Variants in RIPK4 observed in about 807,000 individuals in gnomAD.
RIPK4 encodes receptor interacting serine/threonine kinase 4, also known as receptor-interacting serine/threonine-protein kinase 4.
Under a neutral mutation model 42.9 loss-of-function variants are expected in RIPK4, and 17 were observed. The ratio of observed to expected loss-of-function variants is 0.40; its 90% CI spans 0.27 to 0.59. The LOEUF (loss-of-function observed/expected upper bound fraction) is 0.59, where lower values mean the gene tolerates loss of function less well. Ranked by LOEUF, RIPK4 falls within the 20% of genes least tolerant of loss-of-function variation. The pLI is 0.47. For synonymous variants in RIPK4, 498 were observed against 499.1 expected (o/e 1.00, Z 0.03); for missense variants, 897 against 1,104.4 (o/e 0.81, Z 2.66).
chr21:41,744,290 G>C, intron 6 of RIPK4, 150 bp from the exon 7 acceptor site: 1 of 746,404 alleles, frequency 1.3e-6, no homozygotes, highest in Non-Finnish European at 2.1e-6. Flanking sequence ...ATAACCTATT[G>C]GTCACCGAGC....
chr21:41,748,149 C>T (rs1297488514), intron 4 of RIPK4, among the ~76,000 whole-genome samples: 1 of 152,236 alleles, frequency 6.6e-6, no homozygotes, highest in East Asian at 1.9e-4. Flanking sequence ...CACCGGCCAG[C>T]AGAGGCCTGG....
At chr21:41,761,102 TG>T (rs994841157) in intron 1 of RIPK4, among the ~76,000 whole-genome samples, 2 of 152,152 alleles carry the variant, frequency 1.3e-5, no homozygotes, top group Non-Finnish European at 2.9e-5. Flanking sequence ...CATCAAGGGA[TG>T]GGGGGTGCAG....
chr21:41,762,377 T>A (rs2061223277), intron 1 of RIPK4, among the ~76,000 whole-genome samples: 1 of 152,146 alleles, frequency 6.6e-6, no homozygotes, highest in South Asian at 2.1e-4. Flanking sequence ...CACCAGCATG[T>A]CCTCAGAAAC....
intron 2 of RIPK4, among the ~76,000 whole-genome samples, chr21:41,752,557 C>T (rs3862033): frequency 0.29 from 44,367 of 152,124 alleles, 7,762 homozygotes; most frequent in Admixed American, 0.39. Flanking sequence ...GGCCTTCAGG[C>T]CTGCACCGCC....
At position 41,741,107 on chromosome 21, in the gene RIPK4, C is replaced by T; in HGVS notation, c.2086G>A (p.Val696Met). The change falls in exon 8 of 8, where the codon GTG becomes ATG. Residue 696 changes from valine (V) to methionine (M), a missense_variant. Physicochemically the swap from Val to Met is conservative, Grantham distance 21 (BLOSUM62 1). Transcript: ENST00000332512. ...VKLLVEEKAD[V>M]LARGPLNQTA... ...TGGTTCAGGGGTCCCCGGGCCAGCA[C>T]ATCGGCCTTCTCCTCGACAAGCAGC... 1.9e-6 allele frequency: 3 copies of T among 1,612,624 alleles called. No homozygotes were observed. Among genetic ancestry groups the T allele is most frequent in the South Asian group, 1.1e-5 (1 of 91,048 alleles).
Position 41,740,877 on chromosome 21 carries a change from A to G in RIPK4, c.2316T>C (p.His772=), listed in dbSNP as rs1295174959. 8 of 1,611,036 alleles carry G rather than the reference A, an allele frequency of 5.0e-6. No homozygotes were observed. The Admixed American group carries it at 5.0e-5, about 10-fold the overall frequency. Residue 772 remains histidine (H), a synonymous_variant, in exon 8 of 8, where the codon CAT becomes CAC. Coordinates refer to ENST00000332512, the MANE Select transcript of RIPK4 (RefSeq NM_020639.3). ...NLQSLKFQGG[H]GPAATLLRRS... ...GCCGCAGGAGCGTGGCGGCGGGGCC[A>G]TGGCCGCCCTGGAACTTGAGGCTCT...
chr21:41,746,736 C>T lies in RIPK4; in HGVS notation c.709G>A (p.Val237Met). The change falls in exon 5 of 8, where the codon GTG becomes ATG. Residue 237 changes from valine to methionine, a missense_variant. By Grantham distance (21) the Val-to-Met change is conservative. Coordinates refer to ENST00000332512, the MANE Select transcript of RIPK4 (RefSeq NM_020639.3). ...KNILHIMVKV[V>M]KGHRPELPPV... ...GGCAGCTCGGGGCGGTGGCCCTTCA[C>T]CACCTTCACCATGATGTGCAGGATG... 2 of 1,606,774 alleles carry T rather than the reference C, an allele frequency of 1.2e-6. No homozygotes were observed. The highest frequency in any genetic ancestry group is 1.7e-6 in the Non-Finnish European group (2 of 1,177,692).
rs769995090 is a variant in RIPK4 at position 41,746,707 on chromosome 21, G to A, written c.738C>T (p.Pro246=). The change falls in exon 5 of 8, where the codon CCC becomes CCT. Residue 246 remains proline (P), a synonymous_variant. Transcript: ENST00000332512. ...VVKGHRPELP[P]VCRARPRACS... Reference sequence around the variant, plus strand: ...AGGCGCGCGGCCGGGCTCTGCACACGGGCGGCAGCTCGGGGCGGTGGCCCT... The same window carrying A: ...AGGCGCGCGGCCGGGCTCTGCACACAGGCGGCAGCTCGGGGCGGTGGCCCT... 8.7e-6 allele frequency: 14 copies of A among 1,610,106 alleles called. No individual in the cohort carries two copies. Among genetic ancestry groups the A allele is most frequent in the Middle Eastern group, 1.7e-4 (1 of 6,058 alleles).
At position 41,741,139 on chromosome 21, in the gene RIPK4, G is replaced by T; in HGVS notation, c.2054C>A (p.Thr685Asn). ...CTTCTCCTCGACAAGCAGCTTGACA[G>T]TGGCCAGGTGTCCGTTGCGGGCAGC... ...HLAARNGHLA[T>N]VKLLVEEKAD... Residue 685 changes from threonine (T) to asparagine (N), a missense_variant, in exon 8 of 8, where the codon ACT becomes AAT. Coordinates refer to ENST00000332512, the MANE Select transcript of RIPK4 (RefSeq NM_020639.3). 6.2e-7 allele frequency: 1 copy of T among 1,612,880 alleles called. No individual in the cohort carries two copies.
In RIPK4 at chr21:41,740,894, T is replaced by C; in HGVS notation, c.2299A>G (p.Lys767Glu). The C allele has an allele frequency of 6.2e-7, 1 of 1,612,180 alleles. No individual in the cohort carries two copies. The highest frequency in any genetic ancestry group is 8.5e-7 in the Non-Finnish European group (1 of 1,179,592). ...GCGGGGCCATGGCCGCCCTGGAACT[T>C]GAGGCTCTGCAGGTTGATGTGGGCC... ...HGAHINLQSL[K>E]FQGGHGPAAT... The change falls in exon 8 of 8, where the codon AAG becomes GAG. Residue 767 changes from lysine (K) to glutamate (E), a missense_variant. Transcript: ENST00000332512.
intron 7 of RIPK4, 51 bp downstream of exon 7, chr21:41,743,831 C>A: frequency 6.5e-7 from 1 of 1,528,406 alleles, no homozygotes; most frequent in South Asian, 1.3e-5. Context: ...GTCCAGTCCA[C>A]TGTCCCGCCA....
rs8133138 is a variant in RIPK4, at chr21:41,746,466, T to G, written c.832+147A>C. The G allele has an allele frequency of 0.21, 207,671 of 982,046 alleles. 23,685 individuals are homozygous for G. The highest frequency in any genetic ancestry group is 0.33 in the Middle Eastern group (1,003 of 3,058). 60.8% of individuals were successfully genotyped at this position (982,046 alleles called of 1,614,324 possible). A position where few individuals can be genotyped will look rare whatever the true frequency, so the allele number is the denominator to read the frequency against. Reference sequence around the variant, plus strand: ...CCAGAGGCCGCAGGCAGGTGCTGGGTCCAACCTATCTGTGCAGGGCTCATT... The same window carrying G: ...CCAGAGGCCGCAGGCAGGTGCTGGGGCCAACCTATCTGTGCAGGGCTCATT... On this transcript the variant is annotated intron_variant, in intron 5 of 7. Transcript: ENST00000332512.
chr21:41,756,910 G>C lies in RIPK4; in HGVS notation c.183-94C>G, dbSNP rs116409546. On this transcript the variant is annotated intron_variant, in intron 1 of 7. Transcript: ENST00000332512. ...GCCAGAAGACGACCAGCTCCAGAGG[G>C]CTGAGCAAATGCCTCAAGTGCACAC... 1.0e-3 allele frequency: 1,397 copies of C among 1,368,816 alleles called. 13 individuals are homozygous for C. In the African/African-American group the frequency reaches 0.015, roughly 15 times the overall value. The allele number at this position is 1,368,816 out of a possible 1,614,324, so 84.8% of individuals were successfully genotyped here. A position where few individuals can be genotyped will look rare whatever the true frequency, so the allele number is the denominator to read the frequency against.
At chr21:41,745,920 T>G in intron 5 of RIPK4, 58 bp from the exon 6 acceptor site, 2 of 1,333,478 alleles carry the variant, frequency 1.5e-6, no homozygotes, top group African/African-American at 2.9e-5. Flanking sequence ...TACACACGCG[T>G]TCCATATAAA....
At chr21:41,759,003 T>C (rs34342546) in intron 1 of RIPK4, among the ~76,000 whole-genome samples, 2,787 of 152,234 alleles carry the variant, frequency 0.018, 43 homozygotes, top group South Asian at 0.06. Context: ...AACACAGACA[T>C]GGTAGAAAGC....
intron 2 of RIPK4, among the ~76,000 whole-genome samples, chr21:41,754,297 A>C (rs936803489): frequency 1.3e-5 from 2 of 152,170 alleles, no homozygotes; most frequent in Admixed American, 6.5e-5. Flanking sequence ...ACCAGTAGCT[A>C]TTTCACAGAA....
Position 41,740,607 on chromosome 21 carries a change from C to T in RIPK4, c.*231G>A. The T allele has an allele frequency of 3.6e-6, 2 of 551,398 alleles. No homozygotes were observed. The highest frequency in any genetic ancestry group is 6.8e-5 in the Admixed American group (2 of 29,278). The allele number at this position is 551,398 out of a possible 1,614,324, so 34.2% of individuals were successfully genotyped here. On this transcript the variant is annotated 3_prime_UTR_variant, in exon 8 of 8. Coordinates refer to ENST00000332512, the MANE Select transcript of RIPK4 (RefSeq NM_020639.3). ...GATTCTGACCCACGGTCCCTTCAGA[C>T]AGCAGGTGCCTAGATCGATGATGGA...
chr21:41,757,761 G>A (rs2061208158), intron 1 of RIPK4, among the ~76,000 whole-genome samples: 4 of 151,556 alleles, frequency 2.6e-5, no homozygotes, highest in Admixed American at 2.6e-4. Flanking sequence ...AGCACTTTGG[G>A]AGGCCGAAAC....
intron 6 of RIPK4, among the ~76,000 whole-genome samples, chr21:41,744,564 G>A (rs1263329553): frequency 6.6e-6 from 1 of 152,262 alleles, no homozygotes; most frequent in Non-Finnish European, 1.5e-5. Flanking sequence ...GCCTCATGCA[G>A]CTCTGGATAC....
Sources: allele counts gnomAD v4.1 joint callset (sites outside exome capture counted in the v4.1 genomes callset), GRCh38; gene constraint gnomAD v4.1.1; transcripts MANE v1.5; gene names NCBI Gene and HGNC (gene_info 2026-07-23, HGNC 2026-07-21).